The following ZHX3 variants were observed in gnomAD, a reference collection of about 807,000 sequenced individuals.
The protein encoded by ZHX3 is zinc fingers and homeoboxes 3.
ZHX3 carries 20 observed loss-of-function variants against 64.5 expected under a neutral mutation model. The observed-to-expected ratio is 0.31, with a 90% confidence interval of 0.22 to 0.45. The LOEUF is 0.45. Ranked by LOEUF, ZHX3 falls within the 20% of genes least tolerant of loss-of-function variation. The pLI, the probability that ZHX3 is intolerant of heterozygous loss-of-function variation, is 1.00. For missense variants in ZHX3, 1,041 were observed against 1,195.8 expected, an observed-to-expected ratio of 0.87 and a Z score of 1.91; for synonymous variants, 423 against 461.6, an observed-to-expected ratio of 0.92 and a Z score of 1.07.
At chr20:41,257,612 CTTTTTTTTTTTT>C (rs1223401714) in intron 2 of ZHX3, among the ~76,000 whole-genome samples, 2 of 137,824 alleles carry the variant, frequency 1.5e-5, no homozygotes, top group African/African-American at 5.3e-5. Flanking sequence ...TCTTTTCTTT[CTTTTTTTTTTTT>C]TTTTTGAGAC....
At chr20:41,259,007 AC>A (rs368061894) in intron 2 of ZHX3, among the ~76,000 whole-genome samples, 59 of 152,252 alleles carry the variant, frequency 3.9e-4, no homozygotes, top group African/African-American at 1.0e-3. Flanking sequence ...TTAAAAAAAA[AC>A]CACATTTTCA....
intron 1 of ZHX3, among the ~76,000 whole-genome samples, chr20:41,299,086 T>G (rs1017543691): frequency 5.3e-5 from 8 of 152,136 alleles, no homozygotes; most frequent in African/African-American, 1.7e-4. Flanking sequence ...TAAACATAAT[T>G]GGGAATCAAT....
chr20:41,303,313 G>C (rs1377989731), intron 1 of ZHX3, among the ~76,000 whole-genome samples: 3 of 152,230 alleles, frequency 2.0e-5, no homozygotes, highest in Non-Finnish European at 4.4e-5. Flanking sequence ...AAAAAGGATA[G>C]GTAGTCTAGT....
At chr20:41,265,201 ATT>A (rs764092804) in intron 2 of ZHX3, among the ~76,000 whole-genome samples, 22 of 142,878 alleles carry the variant, frequency 1.5e-4, no homozygotes, top group Non-Finnish European at 1.7e-4. Flanking sequence ...ATTACGATAA[ATT>A]TTTTTTTTTT....
chr20:41,202,285 G>T lies in ZHX3; in HGVS notation c.2632C>A (p.Gln878Lys), dbSNP rs947605617. The T allele has an allele frequency of 1.9e-6, 3 of 1,614,016 alleles. No homozygotes were observed. Among genetic ancestry groups the T allele is most frequent in the Admixed American group, 1.7e-5 (1 of 60,000 alleles). ...TTCTCAGCAAACCACTGCTTGACCT[G>T]CTGGGAGCTCATCTGGGTCTTGTCA... Reference protein sequence around the residue: ...LCDKTQMSSQQVKQWFAEKMG... With the variant: ...LCDKTQMSSQKVKQWFAEKMG... The change falls in exon 3 of 4, where the codon CAG becomes AAG. Residue 878 changes from glutamine (Q) to lysine (K), a missense_variant. Gln to Lys is a moderately conservative substitution (Grantham distance 53). Around this residue, in one of 4 missense-constraint regions of ZHX3, gnomAD observed 649 missense variants for 739.8 expected, o/e 0.88. Transcript: ENST00000683867. The surrounding 1 kb of genome is among the most constrained non-coding windows in gnomAD (Gnocchi z 7.0).
chr20:41,290,173 T>A (rs1387301805), intron 1 of ZHX3: 1 of 152,228 alleles, frequency 6.6e-6, no homozygotes, highest in Non-Finnish European at 1.5e-5. Context: ...ACAGTTTGTG[T>A]TATTGAATGC....
At chr20:41,313,370 G>A (rs910600786) in intron 1 of ZHX3, among the ~76,000 whole-genome samples, 7 of 152,080 alleles carry the variant, frequency 4.6e-5, no homozygotes, top group Admixed American at 3.9e-4. Context: ...CATCCAGGGG[G>A]TTCTAGGGTC....
In ZHX3 at chr20:41,179,106, G is replaced by C. The variant is rs972871128; in HGVS notation, c.*6085C>G. ...TCTACAGGCCTTTGGCAACCTCCCTGACTTCCACAAAGGCTGCCCTCAGTA... is the reference window on the plus strand; with the variant it reads ...TCTACAGGCCTTTGGCAACCTCCCTCACTTCCACAAAGGCTGCCCTCAGTA... On this transcript the variant is annotated 3_prime_UTR_variant, in exon 4 of 4. Transcript: ENST00000683867. This position sits in a 1 kb window ranked among gnomAD's most constrained non-coding sequence, Gnocchi z 4.3. 4.5e-4 allele frequency: 69 copies of C among 152,414 alleles called. No individual in the cohort carries two copies. Among genetic ancestry groups the C allele is most frequent in the African/African-American group, 1.6e-3 (68 of 41,438 alleles). The allele number at this position is 152,414 out of a possible 1,614,324, so 9.4% of individuals were successfully genotyped here.
At chr20:41,216,747 G>A (rs894289916) in intron 2 of ZHX3, among the ~76,000 whole-genome samples, 164 of 152,118 alleles carry the variant, frequency 1.1e-3, no homozygotes, top group African/African-American at 3.8e-3. Context: ...AAGTAAAATT[G>A]CAGTAGCATT....
At chr20:41,302,041 G>A (rs1352154640) in intron 1 of ZHX3, among the ~76,000 whole-genome samples, 2 of 117,666 alleles carry the variant, frequency 1.7e-5, no homozygotes, top group South Asian at 2.9e-4. Context: ...GCGACGGAGC[G>A]AGACTCCATC....
At chr20:41,252,718 C>T (rs1473994887) in intron 2 of ZHX3, among the ~76,000 whole-genome samples, 1 of 152,050 alleles carries the variant, frequency 6.6e-6, no homozygotes, top group Non-Finnish European at 1.5e-5. Flanking sequence ...CTTATATATA[C>T]AATATATTAT....
chr20:41,261,905 TA>T (rs1307943867), intron 2 of ZHX3, among the ~76,000 whole-genome samples: 1 of 152,148 alleles, frequency 6.6e-6, no homozygotes, highest in African/African-American at 2.4e-5. Flanking sequence ...AGTCCTAAAA[TA>T]AACTTTCCCC....
Position 41,201,295 on chromosome 20 carries a change from T to C in ZHX3, c.2860+762A>G. ...CCCTCCTGGCTCTCACCTGAGCTTC[T>C]GGCTGCCCTCTGATGGGGTCTCTAA... On this transcript the variant is annotated intron_variant, in intron 3 of 3. Coordinates refer to ENST00000683867, the MANE Select transcript of ZHX3 (RefSeq NM_001384317.1). The surrounding 1 kb of genome is among the most constrained non-coding windows in gnomAD (Gnocchi z 5.0). 5 of 1,303,322 alleles carry C rather than the reference T, an allele frequency of 3.8e-6. No homozygotes were observed. Among genetic ancestry groups the C allele is most frequent in the Non-Finnish European group, 5.1e-6 (5 of 988,702 alleles). The allele number at this position is 1,303,322 out of a possible 1,614,324, so 80.7% of individuals were successfully genotyped here. A position where few individuals can be genotyped will look rare whatever the true frequency, so the allele number is the denominator to read the frequency against.
intron 2 of ZHX3, among the ~76,000 whole-genome samples, chr20:41,247,367 T>C (rs953268354): frequency 2.6e-5 from 4 of 152,228 alleles, no homozygotes; most frequent in African/African-American, 9.6e-5. Flanking sequence ...ACCTGGGTTC[T>C]AATCTGGACT....
chr20:41,190,018 C>G (rs1242960947), intron 3 of ZHX3, among the ~76,000 whole-genome samples: 2 of 151,320 alleles, frequency 1.3e-5, no homozygotes, highest in African/African-American at 4.8e-5. Context: ...TTTTTTTTAT[C>G]ATGAAGCAAT....
At chr20:41,242,990 TG>T (rs1021684426) in intron 2 of ZHX3, among the ~76,000 whole-genome samples, 5 of 152,192 alleles carry the variant, frequency 3.3e-5, no homozygotes, top group Non-Finnish European at 1.5e-5. Flanking sequence ...CAGGAAGTCG[TG>T]GGTCTAAGTG....
intron 3 of ZHX3, among the ~76,000 whole-genome samples, chr20:41,190,315 C>G (rs2036905623): frequency 6.6e-6 from 1 of 152,144 alleles, no homozygotes. Context: ...GCTAGGATTA[C>G]AGGCATGTGC....
intron 2 of ZHX3, among the ~76,000 whole-genome samples, chr20:41,266,443 T>C (rs1273077041): frequency 6.6e-6 from 1 of 152,162 alleles, no homozygotes; most frequent in African/African-American, 2.4e-5. Flanking sequence ...TCCACAGGCA[T>C]TGCTAGGGCC....
chr20:41,300,703 T>C (rs1015329088), intron 1 of ZHX3, among the ~76,000 whole-genome samples: 33 of 152,170 alleles, frequency 2.2e-4, no homozygotes, highest in African/African-American at 8.0e-4. Context: ...AGGCAAGTAG[T>C]GTTGGCCTAA....
Sources: gnomAD v4.1 joint callset for allele counts (sites outside exome capture counted in the v4.1 genomes callset) on GRCh38, gnomAD v4.1.1 for gene constraint, gnomAD v4.1.1 regional missense constraint, Gnocchi (gnomAD v3.1) non-coding constraint, MANE v1.5 for transcripts, NCBI Gene and HGNC (gene_info 2026-07-23, HGNC 2026-07-21) for gene names.